Variants in FBLN1 observed in about 807,000 individuals in gnomAD.
The protein encoded by FBLN1 is fibulin 1, also known as fibulin-1.
In FBLN1, 34 loss-of-function variants were observed where a neutral mutation model predicts 89.7. That is an observed-to-expected ratio of 0.38 (90% CI 0.29 to 0.50). The LOEUF is 0.50. Among genes scored for constraint, FBLN1 ranks in the 20% least tolerant of loss-of-function variants. The pLI is 0.92. For synonymous variants in FBLN1, 393 were observed against 391.3 expected, an observed-to-expected ratio of 1.00 and a Z score of -0.05; for missense variants, 777 against 988.1, an observed-to-expected ratio of 0.79 and a Z score of 2.86.
In FBLN1 at chr22:45,597,252, A is replaced by G. The variant is rs574969340; in HGVS notation, c.1973-3055A>G. ...TCATGGGCTTGTGATCTGCCCGCCT[A>G]AGCCTCCCAAAGTGCTGGGATTACA... is the stretch of plus-strand genomic sequence containing the variant. On this transcript the variant is annotated intron_variant, in intron 16 of 16. Transcript: ENST00000327858. This position sits in a 1 kb window ranked among gnomAD's most constrained non-coding sequence, Gnocchi z 4.2. Among the ~76,000 whole-genome samples the G allele has an allele frequency of 2.4e-4, 37 of 152,172 alleles. No individual in the cohort carries two copies. The highest frequency in any genetic ancestry group is 1.0e-3 in the Admixed American group (16 of 15,284).
At position 45,575,207 on chromosome 22, in the gene FBLN1, A is replaced by G. The variant is rs2147027085; in HGVS notation, c.1840+554A>G. Among the ~76,000 whole-genome samples the G allele has an allele frequency of 6.6e-6, 1 of 152,286 alleles. No homozygotes were observed. The highest frequency in any genetic ancestry group is 2.1e-4 in the South Asian group (1 of 4,820). On this transcript the variant is annotated intron_variant, in intron 15 of 16. Coordinates refer to ENST00000327858, the MANE Select transcript of FBLN1 (RefSeq NM_006486.3). The surrounding 1 kb of genome is among the most constrained non-coding windows in gnomAD (Gnocchi z 6.3). ...CTTATGGGTAACGGTTGTTCTGCAG[A>G]GAGCCATTAAGCGCTGATTCTGTGA...
In FBLN1 at chr22:45,530,392, G is replaced by A. The variant is rs1178992991; in HGVS notation, c.485-873G>A. Among the ~76,000 whole-genome samples, 1 of 151,808 alleles carries A rather than the reference G, an allele frequency of 6.6e-6. No homozygotes were observed. The highest frequency in any genetic ancestry group is 1.9e-4 in the East Asian group (1 of 5,170). On this transcript the variant is annotated intron_variant, in intron 4 of 16. Coordinates refer to ENST00000327858, the MANE Select transcript of FBLN1 (RefSeq NM_006486.3). This position sits in a 1 kb window ranked among gnomAD's most constrained non-coding sequence, Gnocchi z 5.4. The stretch of plus-strand genomic sequence containing the variant: ...TCAGTCCTTGCCCCAGACTATCCTC[G>A]CATGCTCCCTCCTCTGGGAGGGCTT...
At chr22:45,570,643 T>C (rs1343203927) in intron 14 of FBLN1, among the ~76,000 whole-genome samples, 1 of 152,110 alleles carries the variant, frequency 6.6e-6, no homozygotes, top group African/African-American at 2.4e-5. Flanking sequence ...ATTTAGATAA[T>C]AGGACTCCCT....
At position 45,576,105 on chromosome 22, in the gene FBLN1, C is replaced by A. The variant is rs2088995009; in HGVS notation, c.1841-872C>A. On this transcript the variant is annotated intron_variant, in intron 15 of 16. Coordinates refer to ENST00000327858, the MANE Select transcript of FBLN1 (RefSeq NM_006486.3). The surrounding 1 kb of genome is among the most constrained non-coding windows in gnomAD (Gnocchi z 5.2). ...CCAAGGAGCCGTCCCCAGTCCCAGT[C>A]CCCCTAGGTTTGCTCCTCCCGAAAA... is the stretch of plus-strand genomic sequence containing the variant. 6.6e-6 allele frequency among the ~76,000 whole-genome samples: 1 copy of A among 152,230 alleles called. No homozygotes were observed. Among genetic ancestry groups the A allele is most frequent in the African/African-American group, 2.4e-5 (1 of 41,450 alleles).
Position 45,532,904 on chromosome 22 carries a change from G to A in FBLN1, c.545-159G>A. On this transcript the variant is annotated intron_variant, in intron 5 of 16. Coordinates refer to ENST00000327858, the MANE Select transcript of FBLN1 (RefSeq NM_006486.3). The surrounding 1 kb of genome is among the most constrained non-coding windows in gnomAD (Gnocchi z 4.2). ...GGGTGTCCAGAGCCAGAGCCTGGGG[G>A]TCTCCCAGTAGGGCAGCAGGTGGGC... is the stretch of plus-strand genomic sequence containing the variant. The A allele has an allele frequency of 1.5e-6, 1 of 673,788 alleles. No homozygotes were observed. The highest frequency in any genetic ancestry group is 1.7e-5 in the South Asian group (1 of 58,694). 41.7% of individuals were successfully genotyped at this position (673,788 alleles called of 1,614,324 possible). A position where few individuals can be genotyped will look rare whatever the true frequency, so the allele number is the denominator to read the frequency against.
chr22:45,575,219 C>T lies in FBLN1; in HGVS notation c.1840+566C>T, dbSNP rs151338201. Among the ~76,000 whole-genome samples, 19 of 152,236 alleles carry T rather than the reference C, an allele frequency of 1.2e-4. No homozygotes were observed. Among genetic ancestry groups the T allele is most frequent in the Admixed American group, 3.3e-4 (5 of 15,292 alleles). On this transcript the variant is annotated intron_variant, in intron 15 of 16. Coordinates refer to ENST00000327858, the MANE Select transcript of FBLN1 (RefSeq NM_006486.3). This position sits in a 1 kb window ranked among gnomAD's most constrained non-coding sequence, Gnocchi z 6.3. ...GGTTGTTCTGCAGAGAGCCATTAAG[C>T]GCTGATTCTGTGACCAGCACTGGAG...
chr22:45,554,421 C>T (rs574324962), intron 14 of FBLN1, among the ~76,000 whole-genome samples: 108 of 152,358 alleles, frequency 7.1e-4, no homozygotes, highest in Middle Eastern at 6.8e-3. Context: ...CACCTTCTTT[C>T]CTGCCTCTGT....
chr22:45,521,540 G>A (rs2088250590), intron 2 of FBLN1, among the ~76,000 whole-genome samples: 1 of 152,248 alleles, frequency 6.6e-6, no homozygotes, highest in South Asian at 2.1e-4. Context: ...CTGCCCTCCA[G>A]CCCTTCCTGT....
rs67425983 is a variant in FBLN1 at position 45,534,194 on chromosome 22, G to GT, written c.784+297dup. On this transcript the variant is annotated intron_variant, in intron 7 of 16. Transcript: ENST00000327858. ...AAGATTTACGTTCTTATGGTGCAGA[G>GT]TAAACGATGGCAGATTTGGGTTTCT... Among the ~76,000 whole-genome samples, 17,230 of 145,634 alleles carry GT rather than the reference G, an allele frequency of 0.12. 1,209 individuals are homozygous for GT. The highest frequency in any genetic ancestry group is 0.16 in the South Asian group (731 of 4,564).
At chr22:45,519,801 C>T (rs538205400) in intron 2 of FBLN1, among the ~76,000 whole-genome samples, 22 of 152,260 alleles carry the variant, frequency 1.4e-4, no homozygotes, top group African/African-American at 5.3e-4. Flanking sequence ...GTGGACCAAC[C>T]TGGTTGGGTT....
At chr22:45,559,336 G>A (rs1397833970) in intron 14 of FBLN1, among the ~76,000 whole-genome samples, 1 of 152,174 alleles carries the variant, frequency 6.6e-6, no homozygotes, top group East Asian at 1.9e-4. Context: ...TGGGAGAGTT[G>A]AACCGGGATG....
intron 10 of FBLN1, 32 bp from the exon 11 acceptor site, chr22:45,543,369 T>C: frequency 6.2e-7 from 1 of 1,608,834 alleles, no homozygotes; most frequent in Non-Finnish European, 8.5e-7. Context: ...GTGTTGGACA[T>C]TGCCCTGAGT....
intron 1 of FBLN1, among the ~76,000 whole-genome samples, chr22:45,506,679 C>G (rs2088025242): frequency 6.6e-6 from 1 of 152,186 alleles, no homozygotes; most frequent in Admixed American, 6.5e-5. Context: ...AGAGAAAACA[C>G]GAGACTTCCA....
intron 16 of FBLN1, among the ~76,000 whole-genome samples, chr22:45,582,777 T>C (rs1235865663): frequency 6.6e-6 from 1 of 152,198 alleles, no homozygotes; most frequent in Non-Finnish European, 1.5e-5. Flanking sequence ...TATGATTTAG[T>C]GCACGTGTGG....
At chr22:45,551,033 A>G (rs2088694683) in intron 14 of FBLN1, 1 of 299,626 alleles carries the variant, frequency 3.3e-6, no homozygotes, top group Non-Finnish European at 6.5e-6. Flanking sequence ...AGCCGATGTG[A>G]CCTGTTGGAC....
intron 2 of FBLN1, among the ~76,000 whole-genome samples, chr22:45,520,171 C>A (rs1174002344): frequency 1.3e-5 from 2 of 152,066 alleles, no homozygotes; most frequent in Non-Finnish European, 2.9e-5. Context: ...TCCGTGCCCC[C>A]ACCATCAAAA....
rs1259747382 is a variant in FBLN1, at chr22:45,597,928, G to A, written c.1973-2379G>A. Reference sequence around the variant, plus strand: ...TTGTGCCCAGATTCTCTTTCTGAGCGTGAACTTGATGTTCCTGACCAGGAA... The same window carrying A: ...TTGTGCCCAGATTCTCTTTCTGAGCATGAACTTGATGTTCCTGACCAGGAA... On this transcript the variant is annotated intron_variant, in intron 16 of 16. Transcript: ENST00000327858. The surrounding 1 kb of genome is among the most constrained non-coding windows in gnomAD (Gnocchi z 4.2). 6.6e-6 allele frequency among the ~76,000 whole-genome samples: 1 copy of A among 152,096 alleles called. No homozygotes were observed. Among genetic ancestry groups the A allele is most frequent in the Non-Finnish European group, 1.5e-5 (1 of 68,008 alleles).
rs572875625 is a variant in FBLN1, at chr22:45,562,403, A to G, written c.1697+11788A>G. Among the ~76,000 whole-genome samples, 1 of 152,300 alleles carries G rather than the reference A, an allele frequency of 6.6e-6. No individual in the cohort carries two copies. The highest frequency in any genetic ancestry group is 6.5e-5 in the Admixed American group (1 of 15,300). ...GTCCTCATGTGAAAAATATCACCGA[A>G]GCCACTGTCATGGGGTGGTGGCAGT... On this transcript the variant is annotated intron_variant, in intron 14 of 16. Transcript: ENST00000327858. This position sits in a 1 kb window ranked among gnomAD's most constrained non-coding sequence, Gnocchi z 7.8.
At chr22:45,535,442 A>T in intron 8 of FBLN1, 105 bp downstream of exon 8, 1 of 1,414,428 alleles carries the variant, frequency 7.1e-7, no homozygotes, top group South Asian at 1.2e-5. Flanking sequence ...TATACAGAAC[A>T]GGGGTTGGCA....
Sources: gnomAD v4.1 joint callset for allele counts (sites outside exome capture counted in the v4.1 genomes callset) on GRCh38, gnomAD v4.1.1 for gene constraint, Gnocchi (gnomAD v3.1) non-coding constraint, MANE v1.5 for transcripts, NCBI Gene and HGNC (gene_info 2026-07-23, HGNC 2026-07-21) for gene names.